Variants in KCTD1 observed in about 807,000 individuals in gnomAD.
The protein encoded by KCTD1 is BTB/POZ domain-containing protein KCTD1.
Under a neutral mutation model 66.0 loss-of-function variants are expected in KCTD1, and 24 were observed. The observed-to-expected ratio is 0.36, with a 90% CI of 0.26 to 0.51. The LOEUF (loss-of-function observed/expected upper bound fraction) is 0.51. Among genes scored for constraint, KCTD1 ranks in the 20% least tolerant of loss-of-function variants. KCTD1 has a pLI of 0.95. For missense variants in KCTD1, 943 were observed against 1,205.2 expected, an observed-to-expected ratio of 0.78 and a Z score of 3.22; for synonymous variants, 511 against 517.2, an observed-to-expected ratio of 0.99 and a Z score of 0.16.
chr18:26,555,074 T>C (rs1985674746), intron 1 of KCTD1, among the ~76,000 whole-genome samples: 1 of 152,182 alleles, frequency 6.6e-6, no homozygotes, highest in South Asian at 2.1e-4. Flanking sequence ...CTAATTATGG[T>C]GGAAAAGGAG....
chr18:26,527,485 A>G lies in KCTD1; in HGVS notation c.1809+19243T>C, dbSNP rs368892001. Among the ~76,000 whole-genome samples the G allele has an allele frequency of 3.0e-4, 41 of 138,758 alleles. No individual in the cohort carries two copies. In the East Asian group the frequency reaches 4.7e-3, roughly 16 times the overall value. 91.0% of individuals were successfully genotyped at this position (138,758 alleles called of 152,430 possible). A position where few individuals can be genotyped will look rare whatever the true frequency, so the allele number is the denominator to read the frequency against. On this transcript the variant is annotated intron_variant, in intron 1 of 4. Coordinates refer to ENST00000580059, the MANE Select transcript of KCTD1 (RefSeq NM_001142730.3). ...TTTATGTGAAAGAGGGCTACTGCAA[A>G]AAAAAAAGGGGGGGGGGCGTGGGAG... is the stretch of plus-strand genomic sequence containing the variant.
At chr18:26,650,932 C>A (rs11874676) in intron 1 of KCTD1, among the ~76,000 whole-genome samples, 1 of 152,300 alleles carries the variant, frequency 6.6e-6, no homozygotes, top group South Asian at 2.1e-4. Flanking sequence ...TTAATAGCAG[C>A]GTTGGTGTCG....
At chr18:26,642,037 G>T (rs1176390867), upstream of KCTD1, among the ~76,000 whole-genome samples, 2 of 152,182 alleles carry the variant, frequency 1.3e-5, no homozygotes, top group Non-Finnish European at 2.9e-5. Context: ...CTCTCTAGAT[G>T]TTGCTCTATT....
chr18:26,508,083 C>T (rs1983138711), intron 1 of KCTD1, among the ~76,000 whole-genome samples: 2 of 151,918 alleles, frequency 1.3e-5, no homozygotes, highest in South Asian at 2.1e-4. Context: ...TTTTTAAAGC[C>T]AAAAAAAGTG....
At position 26,648,680 on chromosome 18, in the gene KCTD1, C is replaced by T. The variant is rs540577035; in HGVS notation, c.9+8680G>A. Among the ~76,000 whole-genome samples, 8 of 152,286 alleles carry T rather than the reference C, an allele frequency of 5.3e-5. No individual in the cohort carries two copies. In the East Asian group the frequency reaches 1.3e-3, roughly 26 times the overall value. ...TAACGTTCCTAGCATATGGAAGGTG[C>T]TTAATAATTATTAGTATTAGTAATT... On this transcript the variant is annotated intron_variant, in intron 1 of 4. Coordinates refer to the KCTD1 transcript ENST00000580191.
intron 1 of KCTD1, among the ~76,000 whole-genome samples, chr18:26,589,829 T>C (rs189737020): frequency 3.0e-3 from 463 of 152,224 alleles, no homozygotes; most frequent in Non-Finnish European, 4.6e-3. Flanking sequence ...AAGGGAAGTT[T>C]ACTGGGAGAC....
intron 1 of KCTD1, among the ~76,000 whole-genome samples, chr18:26,634,429 T>C (rs576385783): frequency 5.3e-5 from 8 of 152,184 alleles, no homozygotes; most frequent in Non-Finnish European, 1.2e-4. Context: ...GTGTGTGTTG[T>C]GGTCTGTACC....
chr18:26,624,694 G>A (rs906173273), intron 1 of KCTD1, among the ~76,000 whole-genome samples: 3 of 152,250 alleles, frequency 2.0e-5, no homozygotes, highest in African/African-American at 7.2e-5. Context: ...GTGTGGGAGG[G>A]AGATGTGGGG....
At chr18:26,611,316 A>T (rs1213802062) in intron 1 of KCTD1, among the ~76,000 whole-genome samples, 1 of 150,774 alleles carries the variant, frequency 6.6e-6, no homozygotes, top group Non-Finnish European at 1.5e-5. Context: ...TATGGAATAC[A>T]ATTATAGTAA....
chr18:26,641,770 C>T (rs541469123), upstream of KCTD1, among the ~76,000 whole-genome samples: 3 of 152,292 alleles, frequency 2.0e-5, no homozygotes, highest in South Asian at 6.2e-4. Flanking sequence ...TTCAACCAGC[C>T]TTCTAGACAA....
chr18:26,514,665 A>G (rs1450342637), intron 1 of KCTD1, among the ~76,000 whole-genome samples: 1 of 152,082 alleles, frequency 6.6e-6, no homozygotes, highest in Non-Finnish European at 1.5e-5. Context: ...CTCCAGGCCT[A>G]GCAGTTTGCC....
chr18:26,543,207 C>A (rs1186862345), intron 1 of KCTD1: 1 of 152,120 alleles, frequency 6.6e-6, no homozygotes, highest in Non-Finnish European at 1.5e-5. Context: ...AACATTCTTG[C>A]AGTAGAAAAA....
intron 2 of KCTD1, among the ~76,000 whole-genome samples, chr18:26,493,222 C>T (rs1250019474): frequency 1.3e-5 from 2 of 152,154 alleles, no homozygotes; most frequent in Admixed American, 1.3e-4. Flanking sequence ...CCCAGTATGA[C>T]TCATCTGGCC....
intron 1 of KCTD1, among the ~76,000 whole-genome samples, chr18:26,529,485 T>G (rs865891525): frequency 6.6e-6 from 1 of 152,244 alleles, no homozygotes; most frequent in Admixed American, 6.5e-5. Context: ...TGTACATTTC[T>G]GTCTACCACA....
At chr18:26,521,302 T>G (rs1481115073) in intron 1 of KCTD1, among the ~76,000 whole-genome samples, 2 of 152,246 alleles carry the variant, frequency 1.3e-5, no homozygotes, top group African/African-American at 2.4e-5. Context: ...ATTTAATCTT[T>G]ACAGTGGACT....
intron 3 of KCTD1, among the ~76,000 whole-genome samples, chr18:26,464,206 G>T (rs2144549410): frequency 6.6e-6 from 1 of 152,330 alleles, no homozygotes; most frequent in East Asian, 1.9e-4. Flanking sequence ...TGAAGTCATG[G>T]TGCCGGCAGG....
chr18:26,590,358 G>A (rs1986571429), intron 1 of KCTD1, among the ~76,000 whole-genome samples: 1 of 151,986 alleles, frequency 6.6e-6, no homozygotes, highest in East Asian at 1.9e-4. Flanking sequence ...CAAAATGCTG[G>A]GATTACAGGC....
intron 1 of KCTD1, among the ~76,000 whole-genome samples, chr18:26,594,228 T>C (rs1458389094): frequency 6.6e-6 from 1 of 152,150 alleles, no homozygotes; most frequent in Admixed American, 6.5e-5. Context: ...GAGCTGCCAG[T>C]GACTGGGAGG....
At chr18:26,506,552 A>G (rs922532054) in intron 1 of KCTD1, among the ~76,000 whole-genome samples, 2 of 152,084 alleles carry the variant, frequency 1.3e-5, no homozygotes, top group African/African-American at 4.8e-5. Context: ...GCAACCACTT[A>G]TTTTTTTCTC....
Sources: allele counts gnomAD v4.1 joint callset (sites outside exome capture counted in the v4.1 genomes callset), GRCh38; gene constraint gnomAD v4.1.1; transcripts MANE v1.5; gene names NCBI Gene and HGNC (gene_info 2026-07-23, HGNC 2026-07-21).